The following PEX14 variants were observed in gnomAD, a reference collection of about 807,000 sequenced individuals.
PEX14 encodes the protein peroxisomal membrane protein PEX14.
A neutral mutation model predicts 49.5 loss-of-function variants in PEX14; 15 were observed. The ratio of observed to expected loss-of-function variants is 0.30; its 90% CI spans 0.20 to 0.47. The LOEUF (loss-of-function observed/expected upper bound fraction) is 0.47. PEX14 is among the 20% of genes least tolerant of loss of function. The pLI is 1.00. For missense variants in PEX14, 398 were observed against 494.8 expected, an observed-to-expected ratio of 0.80 and a Z score of 1.86; for synonymous variants, 210 against 212.7, an observed-to-expected ratio of 0.99 and a Z score of 0.11.
chr1:10,614,692 T>C (rs1374145040), intron 4 of PEX14, among the ~76,000 whole-genome samples: 1 of 152,178 alleles, frequency 6.6e-6, no homozygotes, highest in Non-Finnish European at 1.5e-5. Flanking sequence ...GAGAAATCAG[T>C]GGTGAATATG....
At chr1:10,517,325 A>G (rs1641988031) in intron 2 of PEX14, among the ~76,000 whole-genome samples, 1 of 152,094 alleles carries the variant, frequency 6.6e-6, no homozygotes, top group Admixed American at 6.5e-5. Flanking sequence ...TCCCTCTCCT[A>G]TTGGGGGCAG....
chr1:10,507,456 G>A (rs116432428), intron 2 of PEX14, among the ~76,000 whole-genome samples: 2,183 of 152,360 alleles, frequency 0.014, 49 homozygotes, highest in African/African-American at 0.049. Context: ...TTGAAAAGGC[G>A]CCTATTAATT....
At chr1:10,535,769 T>TA (rs762192983) in intron 2 of PEX14, 49 of 276,704 alleles carry the variant, frequency 1.8e-4, no homozygotes, top group Non-Finnish European at 2.9e-4. Flanking sequence ...GCTGTGCTGA[T>TA]AGAGAACGTG....
At chr1:10,564,463 G>A (rs1639743770) in intron 3 of PEX14, among the ~76,000 whole-genome samples, 1 of 146,380 alleles carries the variant, frequency 6.8e-6, no homozygotes, top group African/African-American at 2.6e-5. Flanking sequence ...AGATTTCACT[G>A]TCTCACTCTC....
chr1:10,583,578 G>A (rs1202267908), intron 3 of PEX14, among the ~76,000 whole-genome samples: 1 of 151,824 alleles, frequency 6.6e-6, no homozygotes, highest in Non-Finnish European at 1.5e-5. Flanking sequence ...GGTGTTTTAG[G>A]TACTAGGAAC....
chr1:10,488,916 T>TCTA (rs1317693251), intron 1 of PEX14, among the ~76,000 whole-genome samples: 6 of 152,236 alleles, frequency 3.9e-5, no homozygotes, highest in Non-Finnish European at 7.3e-5. Context: ...AGTTATATCG[T>TCTA]CTGGTTTTTC....
At chr1:10,533,933 TTGCTCTCTGACCA>T (rs1164792036) in intron 2 of PEX14, among the ~76,000 whole-genome samples, 1 of 152,184 alleles carries the variant, frequency 6.6e-6, no homozygotes, top group Non-Finnish European at 1.5e-5. Context: ...CATCAGAACT[TTGCTCTCTGACCA>T]GAAATGCATA....
At chr1:10,552,502 A>G (rs1639365356) in intron 3 of PEX14, among the ~76,000 whole-genome samples, 2 of 152,230 alleles carry the variant, frequency 1.3e-5, no homozygotes, top group South Asian at 4.1e-4. Context: ...TGTTATCTAT[A>G]TATTTATATC....
intron 7 of PEX14, among the ~76,000 whole-genome samples, chr1:10,624,718 C>G (rs1641695966): frequency 6.6e-6 from 1 of 152,204 alleles, no homozygotes; most frequent in Admixed American, 6.5e-5. Context: ...CTGTGGAGAT[C>G]TCATGGCAGC....
At chr1:10,486,357 TGA>T (rs1354714331) in intron 1 of PEX14, among the ~76,000 whole-genome samples, 1 of 150,428 alleles carries the variant, frequency 6.6e-6, no homozygotes, top group Non-Finnish European at 1.5e-5. Context: ...TTTAGTTTGC[TGA>T]GTTTTTTTTT....
intron 3 of PEX14, among the ~76,000 whole-genome samples, chr1:10,584,154 G>T (rs757559234): frequency 2.6e-5 from 4 of 152,308 alleles, no homozygotes; most frequent in Middle Eastern, 3.4e-3. Context: ...AGCCTGATTT[G>T]TGGGATCTGG....
At chr1:10,533,538 G>A (rs1013148174) in intron 2 of PEX14, among the ~76,000 whole-genome samples, 2 of 151,822 alleles carry the variant, frequency 1.3e-5, no homozygotes, top group Non-Finnish European at 2.9e-5. Context: ...AATTGGATTC[G>A]CTCGTTTATG....
chr1:10,496,508 A>C (rs756489453), intron 2 of PEX14, among the ~76,000 whole-genome samples: 5 of 152,084 alleles, frequency 3.3e-5, no homozygotes, highest in Non-Finnish European at 5.9e-5. Context: ...TTTTAGACTG[A>C]AGTGCAGATT....
chr1:10,619,212 C>G (rs1255064333), intron 5 of PEX14, among the ~76,000 whole-genome samples: 2 of 151,992 alleles, frequency 1.3e-5, no homozygotes, highest in African/African-American at 4.8e-5. Flanking sequence ...AGTCTAGAGT[C>G]TAGAAAATGC....
chr1:10,486,689 CT>C (rs34311886), intron 1 of PEX14, among the ~76,000 whole-genome samples: 53 of 135,398 alleles, frequency 3.9e-4, no homozygotes, highest in Admixed American at 4.5e-4. Context: ...GACTCTGTCT[CT>C]TTTTTTTTTT....
At chr1:10,569,519 G>T (rs971782329) in intron 3 of PEX14, among the ~76,000 whole-genome samples, 1 of 152,266 alleles carries the variant, frequency 6.6e-6, no homozygotes, top group African/African-American at 2.4e-5. Flanking sequence ...ACTCTGGGAA[G>T]ACCCTTTTCT....
intron 3 of PEX14, among the ~76,000 whole-genome samples, chr1:10,557,331 A>G (rs1444136142): frequency 6.6e-6 from 1 of 152,210 alleles, no homozygotes; most frequent in Non-Finnish European, 1.5e-5. Flanking sequence ...CACGCCTGTA[A>G]TCCCAGCACT....
chr1:10,624,036 A>G (rs1641671275), intron 6 of PEX14, among the ~76,000 whole-genome samples: 2 of 152,328 alleles, frequency 1.3e-5, no homozygotes. Context: ...CAGGCGCCAG[A>G]GAAGCCGGGA....
rs1570235458 is a variant in PEX14, at chr1:10,539,863, G to A, written c.169+3566G>A. On this transcript the variant is annotated intron_variant, in intron 3 of 8. Transcript: ENST00000356607. The surrounding 1 kb of genome is among the most constrained non-coding windows in gnomAD (Gnocchi z 4.6). Reference sequence around the variant, plus strand: ...CTTGCTTGTGAGGGGGGTGAGGTGGGGGAGGGGGATAGAGTTGTCTGTTAA... The same window carrying A: ...CTTGCTTGTGAGGGGGGTGAGGTGGAGGAGGGGGATAGAGTTGTCTGTTAA... Among the ~76,000 whole-genome samples the A allele has an allele frequency of 6.9e-6, 1 of 145,712 alleles. No homozygotes were observed. The highest frequency in any genetic ancestry group is 6.8e-5 in the Admixed American group (1 of 14,610).
Sources: allele counts gnomAD v4.1 joint callset (sites outside exome capture counted in the v4.1 genomes callset), GRCh38; gene constraint gnomAD v4.1.1; non-coding constraint Gnocchi (gnomAD v3.1); transcripts MANE v1.5; gene names NCBI Gene and HGNC (gene_info 2026-07-23, HGNC 2026-07-21).